RPS6KA1: variants seen among roughly 807,000 people sequenced by gnomAD.
The protein encoded by RPS6KA1 is ribosomal protein S6 kinase alpha-1.
RPS6KA1 carries 48 observed loss-of-function variants against 91.3 expected under a neutral mutation model. The observed-to-expected ratio is 0.53, with a 90% CI of 0.42 to 0.67. The LOEUF is 0.67. Among genes scored for constraint, RPS6KA1 ranks in the 30% least tolerant of loss-of-function variants. The pLI is 0.00. For synonymous variants in RPS6KA1, 359 were observed against 384.7 expected, an observed-to-expected ratio of 0.93 and a Z score of 0.78; for missense variants, 719 against 960.5, an observed-to-expected ratio of 0.75 and a Z score of 3.32.
At position 26,551,411 on chromosome 1, in the gene RPS6KA1, C is replaced by T. The variant is rs764655017; in HGVS notation, c.322C>T (p.Arg108Trp). Residue 108 changes from arginine to tryptophan, a missense_variant, in exon 5 of 22, where the codon CGG becomes TGG. Physicochemically the swap from Arg to Trp is moderately radical, Grantham distance 101. Coordinates refer to ENST00000374168, the MANE Select transcript of RPS6KA1 (RefSeq NM_002953.4). The surrounding 1 kb of genome is among the most constrained non-coding windows in gnomAD (Gnocchi z 4.5). ...CGTCTGGCCAGTACGTGACCGCGTC[C>T]GGACCAAGATGGAGAGAGACATCCT... ...KATLKVRDRV[R>W]TKMERDILAD... 15 of 1,614,008 alleles carry T rather than the reference C, an allele frequency of 9.3e-6. No individual in the cohort carries two copies. The highest frequency in any genetic ancestry group is 5.3e-5 in the African/African-American group (4 of 74,920).
At chr1:26,542,850 G>A (rs964645311) in intron 2 of RPS6KA1, among the ~76,000 whole-genome samples, 9 of 152,200 alleles carry the variant, frequency 5.9e-5, no homozygotes, top group Non-Finnish European at 1.0e-4. Flanking sequence ...GGATGTTTGC[G>A]GGTGCTGATA....
chr1:26,536,333 G>A (rs1357727545), intron 1 of RPS6KA1, among the ~76,000 whole-genome samples: 1 of 152,154 alleles, frequency 6.6e-6, no homozygotes, highest in Non-Finnish European at 1.5e-5. Context: ...CCCTGCAGTG[G>A]GACAAGTGCT....
intron 2 of RPS6KA1, among the ~76,000 whole-genome samples, chr1:26,542,646 C>T (rs183126200): frequency 3.9e-5 from 6 of 152,284 alleles, no homozygotes; most frequent in South Asian, 2.1e-4. Flanking sequence ...CAGCCTTCTT[C>T]GGGGCAGCTG....
intron 6 of RPS6KA1, chr1:26,552,851 G>A (rs1441912946): frequency 7.1e-6 from 3 of 421,526 alleles, no homozygotes; most frequent in East Asian, 1.7e-4. Flanking sequence ...AAATATTCAT[G>A]AAGAAGTCTT....
In RPS6KA1 at chr1:26,554,248, A is replaced by T; in HGVS notation, c.610A>T (p.Thr204Ser). Residue 204 changes from threonine (T) to serine (S), a missense_variant, in exon 8 of 22, where the codon ACT (threonine) becomes TCT (serine). By Grantham distance (58) the Thr-to-Ser change is moderately conservative. This residue lies in a region of RPS6KA1 where 159 missense variants were observed against 264.5 expected (regional missense o/e 0.60). Coordinates refer to ENST00000374168, the MANE Select transcript of RPS6KA1 (RefSeq NM_002953.4). The surrounding 1 kb of genome is among the most constrained non-coding windows in gnomAD (Gnocchi z 4.6). Reference protein sequence around the residue: ...LLDEEGHIKLTDFGLSKEAID... With the variant: ...LLDEEGHIKLSDFGLSKEAID... ...GGATGAGGAGGGCCACATCAAACTCACTGGTGAGTGGAGGGCGCCTGCCCC... is the reference window on the plus strand; with the variant it reads ...GGATGAGGAGGGCCACATCAAACTCTCTGGTGAGTGGAGGGCGCCTGCCCC... 1 of 1,557,428 alleles carries T rather than the reference A, an allele frequency of 6.4e-7. No homozygotes were observed. Among genetic ancestry groups the T allele is most frequent in the African/African-American group, 1.4e-5 (1 of 73,476 alleles).
At position 26,554,708 on chromosome 1, in the gene RPS6KA1, T is replaced by C; in HGVS notation, c.726T>C (p.Ser242=). 6.2e-7 allele frequency: 1 copy of C among 1,610,580 alleles called. No individual in the cohort carries two copies. Among genetic ancestry groups the C allele is most frequent in the Non-Finnish European group, 8.5e-7 (1 of 1,177,344 alleles). Residue 242 remains serine (S), a synonymous_variant, in exon 9 of 22, where the codon AGT becomes AGC. Transcript: ENST00000374168. This position sits in a 1 kb window ranked among gnomAD's most constrained non-coding sequence, Gnocchi z 4.6. ...EVVNRQGHSH[S]ADWWSYGVLM... ...TCAACCGCCAGGGCCACTCCCATAG[T>C]GCGGACTGGTGGTCCTATGGGGTGT...
In RPS6KA1 at chr1:26,562,825, C is replaced by CCTTTTTTTTTTTTTTTTTTTTTT. The variant is rs1553133561; in HGVS notation, c.1590+1162_1590+1163insCTTTTTTTTTTTTTTTTTTTTTT. ...ATAGACACATTTTTCTCCTATTGTC[C>CCTTTTTTTTTTTTTTTTTTTTTT]TTTTTTTTTTTTTTTTTTTTTTTTT... On this transcript the variant is annotated intron_variant, in intron 17 of 21. Transcript: ENST00000374168. Among the ~76,000 whole-genome samples, 4 of 81,432 alleles carry CCTTTTTTTTTTTTTTTTTTTTTT rather than the reference C, an allele frequency of 4.9e-5. 2 individuals carry two copies. Among genetic ancestry groups the CCTTTTTTTTTTTTTTTTTTTTTT allele is most frequent in the Non-Finnish European group, 9.0e-5 (4 of 44,326 alleles). 53.4% of individuals were successfully genotyped at this position (81,432 alleles called of 152,430 possible).
At chr1:26,572,891 A>G (rs2076261659) in intron 20 of RPS6KA1, among the ~76,000 whole-genome samples, 1 of 152,218 alleles carries the variant, frequency 6.6e-6, no homozygotes, top group African/African-American at 2.4e-5. Flanking sequence ...GAACTTGCCC[A>G]GGGCACTCAT....
At position 26,547,077 on chromosome 1, in the gene RPS6KA1, C is replaced by T. The variant is rs1255278957; in HGVS notation, c.225+94C>T. 2.6e-6 allele frequency: 4 copies of T among 1,521,670 alleles called. No homozygotes were observed. Among genetic ancestry groups the T allele is most frequent in the Admixed American group, 3.3e-5 (2 of 59,790 alleles). The allele number at this position is 1,521,670 out of a possible 1,614,324, so 94.3% of individuals were successfully genotyped here. On this transcript the variant is annotated intron_variant, in intron 3 of 21. Transcript: ENST00000374168. This position sits in a 1 kb window ranked among gnomAD's most constrained non-coding sequence, Gnocchi z 4.1. ...AGGGGCCCAAAGGATCAGAGGTCAC[C>T]TTGGTACCCAGGGAGAGCAAAAAGG... is the stretch of plus-strand genomic sequence containing the variant.
intron 1 of RPS6KA1, chr1:26,530,934 G>T (rs1474442832): frequency 4.2e-6 from 5 of 1,203,266 alleles, no homozygotes; most frequent in Admixed American, 5.5e-5. Flanking sequence ...GGTTGTTGGG[G>T]GTATGCAGGG....
intron 1 of RPS6KA1, chr1:26,530,891 G>A: frequency 1.6e-6 from 2 of 1,271,852 alleles, no homozygotes; most frequent in Non-Finnish European, 2.0e-6. Context: ...CCTCTTGCTG[G>A]GAAGGAAGCA....
intron 6 of RPS6KA1, among the ~76,000 whole-genome samples, 176 bp from the exon 7 acceptor site, chr1:26,553,215 G>A (rs977292673): frequency 1.3e-5 from 2 of 152,098 alleles, no homozygotes; most frequent in Non-Finnish European, 2.9e-5. Context: ...TGAGTGGCTT[G>A]CGTATTAGTC....
At chr1:26,530,987 T>C in intron 1 of RPS6KA1, 1 of 1,010,034 alleles carries the variant, frequency 9.9e-7, no homozygotes, top group South Asian at 2.1e-5. Context: ...TGAGATGACT[T>C]TCTCCCAGCT....
chr1:26,571,971 C>T lies in RPS6KA1; in HGVS notation c.1829+46C>T. The T allele has an allele frequency of 3.9e-6, 6 of 1,553,802 alleles. No homozygotes were observed. The highest frequency in any genetic ancestry group is 5.3e-6 in the Non-Finnish European group (6 of 1,130,932). ...CCCTTCCCCACTCCTGCAGCCCTAGCACTTGGGCTGAGTGGTGCTTGTCTG... is the reference window on the plus strand; with the variant it reads ...CCCTTCCCCACTCCTGCAGCCCTAGTACTTGGGCTGAGTGGTGCTTGTCTG... On this transcript the variant is annotated intron_variant, in intron 19 of 21. Transcript: ENST00000374168. This position sits in a 1 kb window ranked among gnomAD's most constrained non-coding sequence, Gnocchi z 5.1.
chr1:26,564,687 C>A (rs7536357), intron 17 of RPS6KA1, among the ~76,000 whole-genome samples: 124 of 152,176 alleles, frequency 8.1e-4, no homozygotes, highest in African/African-American at 2.8e-3. Context: ...GTGAAAGTGG[C>A]GATGCCTGAT....
In RPS6KA1 at chr1:26,529,932, C is replaced by A; in HGVS notation, c.12C>A (p.Ala4=). 1 of 1,433,008 alleles carries A rather than the reference C, an allele frequency of 7.0e-7. No homozygotes were observed. Among genetic ancestry groups the A allele is most frequent in the Non-Finnish European group, 9.1e-7 (1 of 1,093,996 alleles). 88.8% of individuals were successfully genotyped at this position (1,433,008 alleles called of 1,614,324 possible). The stretch of plus-strand genomic sequence containing the variant: ...CTGGCGGCGGCGAGATGCCGCTCGC[C>A]CAGCTCAAGGAGCCCTGGCCGCTCA... MPL[A]QLKEPWPLME... The change falls in exon 1 of 22, where the codon GCC becomes GCA. Residue 4 remains alanine, a synonymous_variant. Transcript: ENST00000374168. This position sits in a 1 kb window ranked among gnomAD's most constrained non-coding sequence, Gnocchi z 4.2.
intron 2 of RPS6KA1, among the ~76,000 whole-genome samples, chr1:26,541,597 G>A (rs771802852): frequency 6.6e-6 from 1 of 152,206 alleles, no homozygotes; most frequent in Non-Finnish European, 1.5e-5. Context: ...TGCTCAATCA[G>A]TAGGAGGCAC....
chr1:26,543,222 G>A (rs997364846), intron 2 of RPS6KA1: 7 of 1,532,676 alleles, frequency 4.6e-6, no homozygotes, highest in East Asian at 2.4e-5. Flanking sequence ...TCCCAGAAAG[G>A]TGAGCAGAAG....
At chr1:26,535,408 G>T (rs1263567987) in intron 1 of RPS6KA1, among the ~76,000 whole-genome samples, 1 of 152,020 alleles carries the variant, frequency 6.6e-6, no homozygotes, top group Non-Finnish European at 1.5e-5. Flanking sequence ...CCAGCTCCTG[G>T]CTCCAAAGTC....
Sources: gnomAD v4.1 joint callset for allele counts (sites outside exome capture counted in the v4.1 genomes callset) on GRCh38, gnomAD v4.1.1 for gene constraint, gnomAD v4.1.1 regional missense constraint, Gnocchi (gnomAD v3.1) non-coding constraint, MANE v1.5 for transcripts, NCBI Gene and HGNC (gene_info 2026-07-23, HGNC 2026-07-21) for gene names.